Variants in GPR158 observed in about 807,000 individuals in gnomAD.
GPR158 encodes the protein G protein-coupled receptor 158, also known as metabotropic glycine receptor.
In GPR158, 30 loss-of-function variants were observed where a neutral mutation model predicts 78.2. The ratio of observed to expected loss-of-function variants is 0.38; its 90% CI spans 0.29 to 0.52. GPR158 has a LOEUF of 0.52. Ranked by LOEUF, GPR158 falls within the 20% of genes least tolerant of loss-of-function variation. The pLI is 0.83. For missense variants in GPR158, 1,463 were observed against 1,523.5 expected (o/e 0.96, Z 0.66); for synonymous variants, 581 against 591.1 (o/e 0.98, Z 0.25).
intron 5 of GPR158, among the ~76,000 whole-genome samples, chr10:25,476,534 G>A (rs1835589200): frequency 6.6e-6 from 1 of 151,184 alleles, no homozygotes. Context: ...AATTGCAAAA[G>A]TATTAGAACT....
intron 2 of GPR158, among the ~76,000 whole-genome samples, chr10:25,369,640 G>C (rs1489940371): frequency 1.3e-5 from 2 of 151,762 alleles, no homozygotes; most frequent in African/African-American, 4.8e-5. Context: ...TTTTTTGGTT[G>C]TGTCTCTGCC....
chr10:25,596,569 A>T, intron 9 of GPR158, 74 bp from the exon 10 acceptor site: 1 of 821,990 alleles, frequency 1.2e-6, no homozygotes, highest in Non-Finnish European at 1.9e-6. Context: ...AGATATAGGT[A>T]TAGATATAGA....
intron 2 of GPR158, among the ~76,000 whole-genome samples, chr10:25,250,748 TG>T (rs1258302727): frequency 7.2e-6 from 1 of 138,768 alleles, no homozygotes; most frequent in African/African-American, 2.9e-5. Flanking sequence ...TGGTCAGTTT[TG>T]GAATAGGTGT....
At chr10:25,520,947 G>T (rs1836256314) in intron 5 of GPR158, among the ~76,000 whole-genome samples, 1 of 152,332 alleles carries the variant, frequency 6.6e-6, no homozygotes, top group Middle Eastern at 3.4e-3. Context: ...GGCAATGGCG[G>T]GCGCCCCTCC....
At chr10:25,414,522 G>T (rs763142500) in intron 4 of GPR158, among the ~76,000 whole-genome samples, 10 of 152,236 alleles carry the variant, frequency 6.6e-5, no homozygotes, top group Non-Finnish European at 1.3e-4. Context: ...AATGAACATA[G>T]ACCTTGTATG....
At chr10:25,417,122 A>G (rs1469697704) in intron 4 of GPR158, among the ~76,000 whole-genome samples, 1 of 152,210 alleles carries the variant, frequency 6.6e-6, no homozygotes, top group Non-Finnish European at 1.5e-5. Flanking sequence ...TCTTGGAAGA[A>G]ATTTCTCCTG....
At chr10:25,550,294 C>T (rs1211641318) in intron 5 of GPR158, among the ~76,000 whole-genome samples, 2 of 152,110 alleles carry the variant, frequency 1.3e-5, no homozygotes, top group Non-Finnish European at 2.9e-5. Flanking sequence ...CAGTGCCTGG[C>T]TCAGGGTAAA....
At chr10:25,256,482 T>G (rs1853889635) in intron 2 of GPR158, among the ~76,000 whole-genome samples, 1 of 151,976 alleles carries the variant, frequency 6.6e-6, no homozygotes, top group Non-Finnish European at 1.5e-5. Context: ...TAAGGCCCTG[T>G]CTCTACAATC....
At chr10:25,396,175 A>G (rs1834360340) in intron 3 of GPR158, among the ~76,000 whole-genome samples, 162 bp downstream of exon 3, 1 of 152,168 alleles carries the variant, frequency 6.6e-6, no homozygotes, top group Non-Finnish European at 1.5e-5. Flanking sequence ...GTCATCTACA[A>G]TGCTCTGGAG....
intron 2 of GPR158, chr10:25,244,101 A>T (rs1184346894): frequency 6.6e-6 from 1 of 152,082 alleles, no homozygotes; most frequent in Admixed American, 6.5e-5. Context: ...CATCTTTTCT[A>T]TACACATGTT....
chr10:25,241,316 C>T (rs2765713), intron 2 of GPR158, among the ~76,000 whole-genome samples: 6,088 of 49,830 alleles, frequency 0.12, 305 homozygotes, highest in African/African-American at 0.15. Context: ...TTTCTTTTCT[C>T]TTCTCTTCTC....
At chr10:25,583,602 C>A (rs975185105) in intron 7 of GPR158, among the ~76,000 whole-genome samples, 5 of 152,070 alleles carry the variant, frequency 3.3e-5, no homozygotes, top group African/African-American at 9.6e-5. Flanking sequence ...TCTGTGCCAC[C>A]AACTCTGTCA....
chr10:25,475,572 G>A (rs1690467990), intron 5 of GPR158: 1 of 152,042 alleles, frequency 6.6e-6, no homozygotes, highest in African/African-American at 2.4e-5. Context: ...TGGTTTTATG[G>A]AAACAAGTTT....
intron 7 of GPR158, among the ~76,000 whole-genome samples, chr10:25,583,079 G>A (rs563182268): frequency 6.6e-6 from 1 of 152,336 alleles, no homozygotes; most frequent in African/African-American, 2.4e-5. Flanking sequence ...CAGGGCGAGT[G>A]CAGCTGGAGA....
At chr10:25,253,086 TC>T (rs1294885831) in intron 2 of GPR158, among the ~76,000 whole-genome samples, 1 of 152,128 alleles carries the variant, frequency 6.6e-6, no homozygotes, top group African/African-American at 2.4e-5. Context: ...TCCAGGTGCG[TC>T]CGTCACCCCT....
intron 5 of GPR158, among the ~76,000 whole-genome samples, chr10:25,516,177 A>G (rs1292833977): frequency 6.6e-6 from 1 of 151,878 alleles, no homozygotes; most frequent in East Asian, 1.9e-4. Context: ...TCTTTTGAGA[A>G]GTGTCTGCTC....
At chr10:25,251,690 G>T (rs1343799904) in intron 2 of GPR158, among the ~76,000 whole-genome samples, 13 of 151,782 alleles carry the variant, frequency 8.6e-5, no homozygotes, top group South Asian at 6.3e-4. Context: ...TCTGCTGTTA[G>T]TCTGATGGGC....
chr10:25,188,600 A>T (rs1287380592), intron 1 of GPR158, among the ~76,000 whole-genome samples: 1 of 152,202 alleles, frequency 6.6e-6, no homozygotes, highest in African/African-American at 2.4e-5. Context: ...CTGAAACTGG[A>T]TCCCTTCCTT....
intron 6 of GPR158, among the ~76,000 whole-genome samples, chr10:25,570,225 A>G (rs1836986132): frequency 6.6e-6 from 1 of 152,208 alleles, no homozygotes; most frequent in African/African-American, 2.4e-5. Context: ...TAATCTGCTA[A>G]TTACAATGGA....
Sources: gnomAD v4.1 joint callset for allele counts (sites outside exome capture counted in the v4.1 genomes callset) on GRCh38, gnomAD v4.1.1 for gene constraint, MANE v1.5 for transcripts, NCBI Gene and HGNC (gene_info 2026-07-23, HGNC 2026-07-21) for gene names.